The following STAU1 variants were observed in gnomAD, a reference collection of about 807,000 sequenced individuals.
STAU1 encodes staufen double-stranded RNA binding protein 1.
In STAU1, 13 loss-of-function variants were observed where a neutral mutation model predicts 62.9. The observed-to-expected ratio is 0.21, with a 90% CI of 0.13 to 0.33. The LOEUF (loss-of-function observed/expected upper bound fraction) is 0.33. STAU1 is among the 10% of genes least tolerant of loss of function. STAU1 has a pLI of 1.00. For synonymous variants in STAU1, 269 were observed against 265.1 expected (o/e 1.01, Z -0.14); for missense variants, 571 against 712.1 (o/e 0.80, Z 2.25).
intron 6 of STAU1, chr20:49,134,976 G>C (rs934862661): frequency 6.4e-5 from 103 of 1,602,848 alleles, no homozygotes; most frequent in South Asian, 1.4e-4. Context: ...TTTGTGAAGA[G>C]ACAGTTCATG....
chr20:49,217,254 C>T, the STAU1 span, among the ~76,000 whole-genome samples: 4 of 152,086 alleles, frequency 2.6e-5, no homozygotes, highest in African/African-American at 7.3e-5. Context: ...ACCCAAGTTC[C>T]CGCTTCCTCC....
the STAU1 span, among the ~76,000 whole-genome samples, chr20:49,197,855 A>G: frequency 6.6e-6 from 1 of 151,744 alleles, no homozygotes; most frequent in African/African-American, 2.4e-5. Context: ...ACAGGTGCAC[A>G]CCACCACCGC....
intron 12 of STAU1, among the ~76,000 whole-genome samples, chr20:49,116,208 C>T (rs1568810115): frequency 6.6e-6 from 1 of 152,158 alleles, no homozygotes; most frequent in Non-Finnish European, 1.5e-5. Flanking sequence ...CTAAGTTGCC[C>T]AGGCTGGTCT....
chr20:49,119,105 C>T (rs1568818163), intron 9 of STAU1, among the ~76,000 whole-genome samples: 1 of 152,178 alleles, frequency 6.6e-6, no homozygotes, highest in African/African-American at 2.4e-5. Flanking sequence ...CAGGACCATT[C>T]AGTGATGGGA....
chr20:49,119,190 G>A (rs570829419), intron 9 of STAU1, among the ~76,000 whole-genome samples: 2 of 152,094 alleles, frequency 1.3e-5, no homozygotes, highest in Non-Finnish European at 2.9e-5. Flanking sequence ...TTCTTTTTAC[G>A]TTCCTTTTTT....
rs1332112333 is a variant in STAU1, at chr20:49,117,764, G to A, written c.1509+13C>T. The A allele has an allele frequency of 1.3e-6, 2 of 1,597,308 alleles. No individual in the cohort carries two copies. The highest frequency in any genetic ancestry group is 1.7e-6 in the Non-Finnish European group (2 of 1,171,660). On this transcript the variant is annotated intron_variant, in intron 11 of 13. Transcript: ENST00000371856. The surrounding 1 kb of genome is among the most constrained non-coding windows in gnomAD (Gnocchi z 4.6). ...CTGAGGCACAGCCATCACAGCTCAG[G>A]CCAGACAGTTACCTGGAATCCCTGG...
chr20:49,186,994 A>T (rs1022686263), intron 1 of STAU1, among the ~76,000 whole-genome samples: 1 of 152,148 alleles, frequency 6.6e-6, no homozygotes, highest in African/African-American at 2.4e-5. Context: ...GCTTAAAAGG[A>T]AAGTCAGCCA....
rs2092278126 is a variant in STAU1, at chr20:49,114,980, A to G, written c.1719-87T>C. 3 of 1,392,250 alleles carry G rather than the reference A, an allele frequency of 2.2e-6. No homozygotes were observed. In the African/African-American group the frequency reaches 4.3e-5, roughly 20 times the overall value. 86.2% of individuals were successfully genotyped at this position (1,392,250 alleles called of 1,614,324 possible). ...TAAAAATGAAAAGAAATTGGCAAAC[A>G]TCAGGAAGTACAATACTAAAAGCCC... On this transcript the variant is annotated intron_variant, in intron 13 of 13. Coordinates refer to ENST00000371856, the MANE Select transcript of STAU1 (RefSeq NM_017453.4).
chr20:49,167,620 G>T (rs1262425054), intron 2 of STAU1, among the ~76,000 whole-genome samples: 3 of 152,146 alleles, frequency 2.0e-5, no homozygotes, highest in African/African-American at 7.2e-5. Context: ...CTACATAATG[G>T]TCTTAGAAGA....
rs113377570 is a variant in STAU1, at chr20:49,117,320, A to G, written c.1510-72T>C. 2.2e-3 allele frequency: 3,498 copies of G among 1,558,836 alleles called. 71 individuals are homozygous for G. In the African/African-American group the frequency reaches 0.041, roughly 18 times the overall value. On this transcript the variant is annotated intron_variant, in intron 11 of 13. Coordinates refer to ENST00000371856, the MANE Select transcript of STAU1 (RefSeq NM_017453.4). The surrounding 1 kb of genome is among the most constrained non-coding windows in gnomAD (Gnocchi z 4.6). ...GAGTGGGCTGGAGGGCTGCAGCTCC[A>G]GGCCCCACAAGCAAGATCACCAGCT...
intron 5 of STAU1, among the ~76,000 whole-genome samples, chr20:49,147,537 T>C (rs1374605053): frequency 6.6e-6 from 1 of 152,236 alleles, no homozygotes; most frequent in Non-Finnish European, 1.5e-5. Context: ...TGTCAGCAGG[T>C]TGTAAAATGG....
At chr20:49,171,101 G>T (rs1210330538) in intron 2 of STAU1, among the ~76,000 whole-genome samples, 4 of 152,198 alleles carry the variant, frequency 2.6e-5, no homozygotes, top group Admixed American at 2.6e-4. Flanking sequence ...AAAGACACAA[G>T]ACGACATCTT....
chr20:49,131,711 C>T (rs1196544735), intron 6 of STAU1, among the ~76,000 whole-genome samples: 4 of 151,708 alleles, frequency 2.6e-5, no homozygotes, highest in African/African-American at 4.8e-5. Context: ...AGTGTGGTGG[C>T]GTGCACCTGT....
intron 1 of STAU1, among the ~76,000 whole-genome samples, chr20:49,176,733 A>C (rs1193699359): frequency 1.3e-5 from 2 of 152,150 alleles, no homozygotes; most frequent in Admixed American, 1.3e-4. Context: ...GGAACTGAAA[A>C]AGGCCTCTGA....
In STAU1 at chr20:49,137,746, A is replaced by G. The variant is rs976213232; in HGVS notation, c.511-1815T>C. Among the ~76,000 whole-genome samples, 3 of 151,956 alleles carry G rather than the reference A, an allele frequency of 2.0e-5. No homozygotes were observed. The South Asian group carries it at 6.2e-4, about 32-fold the overall frequency. ...AATGGCATGACCTTGGATCACTGCA[A>G]CGTCTGCCTCCTGGGTTCAAGCGAT... On this transcript the variant is annotated intron_variant, in intron 5 of 13. Transcript: ENST00000371856.
chr20:49,117,899 C>T lies in STAU1; in HGVS notation c.1387G>A (p.Gly463Ser), dbSNP rs747076422. The T allele has an allele frequency of 2.7e-5, 43 of 1,613,972 alleles. No individual in the cohort carries two copies. The highest frequency in any genetic ancestry group is 4.0e-5 in the African/African-American group (3 of 74,882). ...ATGGTCTCGGCTGTGGGCGAGGTGC[C>T]CCCATACAACAACTCTCGGGCTATC... is the stretch of plus-strand genomic sequence containing the variant. Reference protein sequence around the residue: ...AMIARELLYGGTSPTAETILK... With the variant: ...AMIARELLYGSTSPTAETILK... Residue 463 changes from glycine to serine, a missense_variant, in exon 11 of 14, where the codon GGC becomes AGC. By Grantham distance (56) the Gly-to-Ser change is moderately conservative (BLOSUM62 0). Coordinates refer to ENST00000371856, the MANE Select transcript of STAU1 (RefSeq NM_017453.4). The surrounding 1 kb of genome is among the most constrained non-coding windows in gnomAD (Gnocchi z 4.6).
At chr20:49,173,864 G>C (rs1312575149) in intron 2 of STAU1, among the ~76,000 whole-genome samples, 2 of 152,062 alleles carry the variant, frequency 1.3e-5, no homozygotes, top group African/African-American at 4.8e-5. Context: ...AACAATCTGA[G>C]AAATCAAAGG....
intron 1 of STAU1, among the ~76,000 whole-genome samples, chr20:49,180,764 A>G (rs986525224): frequency 6.6e-6 from 1 of 152,206 alleles, no homozygotes; most frequent in Non-Finnish European, 1.5e-5. Context: ...CATAACAAAT[A>G]AAAGTAAACT....
At chr20:49,146,907 C>T (rs1197039948) in intron 5 of STAU1, among the ~76,000 whole-genome samples, 1 of 152,058 alleles carries the variant, frequency 6.6e-6, no homozygotes, top group East Asian at 1.9e-4. Context: ...AAGCTAGCCC[C>T]CGTTTTTCTC....
Sources: allele counts gnomAD v4.1 joint callset (sites outside exome capture counted in the v4.1 genomes callset), GRCh38; gene constraint gnomAD v4.1.1; non-coding constraint Gnocchi (gnomAD v3.1); transcripts MANE v1.5; gene names NCBI Gene and HGNC (gene_info 2026-07-23, HGNC 2026-07-21).